The following FMN2 variants were observed in gnomAD, a reference collection of about 807,000 sequenced individuals.
The protein encoded by FMN2 is formin 2, also known as formin-2.
In FMN2, 51 loss-of-function variants were observed where a neutral mutation model predicts 142.3. The observed-to-expected ratio is 0.36, with a 90% CI of 0.29 to 0.45. The LOEUF (loss-of-function observed/expected upper bound fraction) is 0.45. Ranked by LOEUF, FMN2 falls within the 20% of genes least tolerant of loss-of-function variation. The pLI is 1.00. For missense variants in FMN2, 1,936 were observed against 2,122.8 expected, an observed-to-expected ratio of 0.91 and a Z score of 1.73; for synonymous variants, 882 against 869.8, an observed-to-expected ratio of 1.01 and a Z score of -0.25.
At chr1:240,193,562 T>C (rs1001902009) in intron 4 of FMN2, among the ~76,000 whole-genome samples, 1 of 152,066 alleles carries the variant, frequency 6.6e-6, no homozygotes, top group Non-Finnish European at 1.5e-5. Context: ...AGAGTAAAGG[T>C]AGAAAATTGG....
intron 7 of FMN2, among the ~76,000 whole-genome samples, chr1:240,260,600 G>A (rs746570604): frequency 1.3e-5 from 2 of 151,950 alleles, no homozygotes; most frequent in Admixed American, 1.3e-4. Flanking sequence ...TGATGGAATT[G>A]TTTGTTTTCT....
At chr1:240,212,691 T>G (rs1020634962) in intron 6 of FMN2, among the ~76,000 whole-genome samples, 1 of 152,158 alleles carries the variant, frequency 6.6e-6, no homozygotes, top group African/African-American at 2.4e-5. Context: ...ATTTAAAAAA[T>G]CCTTGGTATA....
intron 6 of FMN2, among the ~76,000 whole-genome samples, chr1:240,213,583 C>G (rs976846906): frequency 1.3e-5 from 2 of 152,110 alleles, no homozygotes; most frequent in African/African-American, 4.8e-5. Context: ...GCAAATTGTT[C>G]CCCTTTTTAT....
intron 4 of FMN2, among the ~76,000 whole-genome samples, chr1:240,196,936 A>T (rs905242108): frequency 6.6e-6 from 1 of 152,112 alleles, no homozygotes; most frequent in African/African-American, 2.4e-5. Flanking sequence ...ATATTATGAA[A>T]CATACATTTG....
intron 6 of FMN2, among the ~76,000 whole-genome samples, chr1:240,217,036 G>A (rs78257502): frequency 0.036 from 5,528 of 152,226 alleles, 163 homozygotes; most frequent in Non-Finnish European, 0.05. Flanking sequence ...AGTACATAAC[G>A]TAATACCTGT....
intron 2 of FMN2, chr1:240,171,232 A>T: frequency 1.3e-6 from 1 of 774,066 alleles, no homozygotes; most frequent in Non-Finnish European, 2.4e-6. Context: ...TTTTGATGAA[A>T]TTAACAAAGC....
At chr1:240,444,626 G>A (rs1366156686) in intron 16 of FMN2, among the ~76,000 whole-genome samples, 1 of 152,204 alleles carries the variant, frequency 6.6e-6, no homozygotes, top group East Asian at 1.9e-4. Context: ...GCATGTGGCA[G>A]TCACGTCTTG....
intron 15 of FMN2, among the ~76,000 whole-genome samples, chr1:240,396,295 G>A (rs1012249831): frequency 2.8e-5 from 4 of 143,070 alleles, no homozygotes; most frequent in East Asian, 2.0e-4. Flanking sequence ...CAATATCTCC[G>A]AGGTTTTCGT....
At chr1:240,180,787 G>A (rs901981867) in intron 3 of FMN2, among the ~76,000 whole-genome samples, 2 of 151,686 alleles carry the variant, frequency 1.3e-5, no homozygotes, top group African/African-American at 2.4e-5. Flanking sequence ...AGCTGCTCTC[G>A]AATTCCTGAC....
chr1:240,185,186 T>C (rs1397632326), intron 3 of FMN2, among the ~76,000 whole-genome samples: 1 of 151,466 alleles, frequency 6.6e-6, no homozygotes, highest in Non-Finnish European at 1.5e-5. Flanking sequence ...TCCCCTTCTC[T>C]TTCTCCCTCC....
rs1415475141 is a variant in FMN2, at chr1:240,228,321, AAAAAAAAAAAAGAAAAAG to A, written c.4065+17092_4065+17109del. Among the ~76,000 whole-genome samples the A allele has an allele frequency of 1.2e-3, 115 of 93,524 alleles. 1 individual carries two copies. Among genetic ancestry groups the A allele is most frequent in the African/African-American group, 6.5e-3 (111 of 17,032 alleles). 61.4% of individuals were successfully genotyped at this position (93,524 alleles called of 152,430 possible). A position where few individuals can be genotyped will look rare whatever the true frequency, so the allele number is the denominator to read the frequency against. ...TCTGTCTCAAAAAAAAAAAAAAAAA[AAAAAAAAAAAAGAAAAAG>A]AAAAAGAAAAAGAAAGAAAAAAAAT... On this transcript the variant is annotated intron_variant, in intron 6 of 17. Coordinates refer to ENST00000319653, the MANE Select transcript of FMN2 (RefSeq NM_020066.5).
At chr1:240,204,397 C>T (rs770917355) in intron 4 of FMN2, among the ~76,000 whole-genome samples, 4 of 152,036 alleles carry the variant, frequency 2.6e-5, no homozygotes, top group Non-Finnish European at 2.9e-5. Flanking sequence ...CCCAGGAGTT[C>T]GAGGCCAGCC....
At chr1:240,399,940 G>A (rs1348534906) in intron 15 of FMN2, among the ~76,000 whole-genome samples, 1 of 152,168 alleles carries the variant, frequency 6.6e-6, no homozygotes, top group African/African-American at 2.4e-5. Flanking sequence ...CAGAAGTCCT[G>A]CCCAGAGCTC....
At chr1:240,274,566 C>A (rs971750529) in intron 7 of FMN2, among the ~76,000 whole-genome samples, 3 of 152,058 alleles carry the variant, frequency 2.0e-5, no homozygotes, top group African/African-American at 7.2e-5. Flanking sequence ...AGAGGAAATA[C>A]TAACAGAGGG....
At chr1:240,285,656 C>T (rs1296318290) in intron 7 of FMN2, among the ~76,000 whole-genome samples, 2 of 152,014 alleles carry the variant, frequency 1.3e-5, no homozygotes, top group African/African-American at 4.8e-5. Context: ...GAGTGGTATC[C>T]TGGAAGCTAG....
At chr1:240,381,937 A>G (rs1019508206) in intron 14 of FMN2, among the ~76,000 whole-genome samples, 5 of 152,068 alleles carry the variant, frequency 3.3e-5, no homozygotes, top group African/African-American at 4.8e-5. Context: ...TACTCTCACC[A>G]CTCCTAATCA....
In FMN2 at chr1:240,141,655, C is replaced by T. The variant is rs1385766610; in HGVS notation, c.1782+18310C>T. On this transcript the variant is annotated intron_variant, in intron 2 of 17. Coordinates refer to ENST00000319653, the MANE Select transcript of FMN2 (RefSeq NM_020066.5). ...GAAGTGCTGGGATTACAGGCGTGAG[C>T]CACCACGCCCAGCCATATACTTTAA... is the stretch of plus-strand genomic sequence containing the variant. Among the ~76,000 whole-genome samples the T allele has an allele frequency of 2.0e-5, 3 of 152,162 alleles. No individual in the cohort carries two copies. The East Asian group carries it at 5.8e-4, about 29-fold the overall frequency.
chr1:240,304,679 T>C (rs1290947081), intron 8 of FMN2, among the ~76,000 whole-genome samples: 1 of 152,178 alleles, frequency 6.6e-6, no homozygotes, highest in East Asian at 1.9e-4. Context: ...GCTTCTTTGT[T>C]TGCACCTGAG....
At position 240,093,668 on chromosome 1, in the gene FMN2, C is replaced by G; in HGVS notation, c.1559C>G (p.Ala520Gly). 1 of 1,364,342 alleles carries G rather than the reference C, an allele frequency of 7.3e-7. No individual in the cohort carries two copies. The highest frequency in any genetic ancestry group is 2.3e-4 in the Middle Eastern group (1 of 4,264). 84.5% of individuals were successfully genotyped at this position (1,364,342 alleles called of 1,614,324 possible). A position where few individuals can be genotyped will look rare whatever the true frequency, so the allele number is the denominator to read the frequency against. The change falls in exon 1 of 18, where the codon GCC (alanine) becomes GGC (glycine). Residue 520 changes from alanine (A) to glycine (G), a missense_variant. Ala to Gly is a moderately conservative substitution (Grantham distance 60). Around this residue, in one of 8 missense-constraint regions of FMN2, gnomAD observed 751 missense variants for 791.8 expected, o/e 0.95. Transcript: ENST00000319653. ...GGCGGTGGGGTGTCCCCAGCACTGGCCGCCAAGGCGTCTGGGGCCCCCGCG... is the reference window on the plus strand; with the variant it reads ...GGCGGTGGGGTGTCCCCAGCACTGGGCGCCAAGGCGTCTGGGGCCCCCGCG... ...DSGGGVSPAL[A>G]AKASGAPAAA...
Sources: allele counts gnomAD v4.1 joint callset (sites outside exome capture counted in the v4.1 genomes callset), GRCh38; gene constraint gnomAD v4.1.1; regional missense constraint gnomAD v4.1.1; transcripts MANE v1.5; gene names NCBI Gene and HGNC (gene_info 2026-07-23, HGNC 2026-07-21).